Variants in ANKH observed in about 807,000 individuals in gnomAD.
The protein encoded by ANKH is ANKH inorganic pyrophosphate transport regulator.
ANKH carries 15 observed loss-of-function variants against 49.0 expected under a neutral mutation model. The ratio of observed to expected loss-of-function variants is 0.31; its 90% CI spans 0.20 to 0.47. The LOEUF is 0.47. Among genes scored for constraint, ANKH ranks in the 20% least tolerant of loss-of-function variants. The pLI is 1.00. For synonymous variants in ANKH, 273 were observed against 260.0 expected (o/e 1.05, Z -0.48); for missense variants, 429 against 652.0 (o/e 0.66, Z 3.72).
Position 14,843,089 on chromosome 5 carries a change from T to C in ANKH, c.96+28263A>G, listed in dbSNP as rs551022221. Among the ~76,000 whole-genome samples, 18 of 152,208 alleles carry C rather than the reference T, an allele frequency of 1.2e-4. No homozygotes were observed. In the East Asian group the frequency reaches 3.3e-3, roughly 28 times the overall value. On this transcript the variant is annotated intron_variant, in intron 1 of 11. Transcript: ENST00000284268. Reference sequence around the variant, plus strand: ...AATTAGAACATTCAGACATTGCTAATTGCCTACAACTCAGCAGCAGCAGCC... The same window carrying C: ...AATTAGAACATTCAGACATTGCTAACTGCCTACAACTCAGCAGCAGCAGCC...
At chr5:14,796,887 A>G (rs569635404) in intron 1 of ANKH, among the ~76,000 whole-genome samples, 26 of 152,308 alleles carry the variant, frequency 1.7e-4, no homozygotes, top group African/African-American at 5.8e-4. Flanking sequence ...GCTACTTTAG[A>G]CCTGGGTTAC....
intron 1 of ANKH, among the ~76,000 whole-genome samples, chr5:14,862,306 T>C (rs1735518876): frequency 1.3e-5 from 2 of 152,216 alleles, no homozygotes; most frequent in Non-Finnish European, 2.9e-5. Context: ...TAAATTCTGA[T>C]GAATAAACCT....
intron 6 of ANKH, 119 bp from the exon 7 acceptor site, chr5:14,746,081 C>G: frequency 1.3e-6 from 1 of 782,522 alleles, no homozygotes; most frequent in East Asian, 2.6e-5. Context: ...GCCCGCTACA[C>G]TGGGTGACAA....
chr5:14,803,640 C>T (rs892834285), intron 1 of ANKH, among the ~76,000 whole-genome samples: 5 of 151,992 alleles, frequency 3.3e-5, no homozygotes, highest in African/African-American at 1.2e-4. Context: ...TTTTACACTT[C>T]TTCTTCTTCT....
chr5:14,711,474 T>G (rs1340778201), intron 11 of ANKH, among the ~76,000 whole-genome samples, 164 bp from the exon 12 acceptor site: 1 of 152,148 alleles, frequency 6.6e-6, no homozygotes, highest in East Asian at 1.9e-4. Context: ...TAGCTCAGTG[T>G]GTTCCTTGCA....
chr5:14,732,249 T>A (rs897126536), intron 8 of ANKH, among the ~76,000 whole-genome samples: 2 of 152,112 alleles, frequency 1.3e-5, no homozygotes, highest in African/African-American at 4.8e-5. Flanking sequence ...GGGGCTCTGG[T>A]AGCACCATCT....
At chr5:14,822,268 A>G (rs1741217222) in intron 1 of ANKH, among the ~76,000 whole-genome samples, 3 of 152,370 alleles carry the variant, frequency 2.0e-5, no homozygotes. Flanking sequence ...ATACAGGAAT[A>G]ATAGTATTTG....
chr5:14,800,821 G>T (rs2126560229), intron 1 of ANKH, among the ~76,000 whole-genome samples: 1 of 151,288 alleles, frequency 6.6e-6, no homozygotes, highest in South Asian at 2.1e-4. Context: ...TGACCTCCTG[G>T]GCTCAAGCAA....
chr5:14,820,247 A>C (rs924002480), intron 1 of ANKH, among the ~76,000 whole-genome samples: 1 of 152,200 alleles, frequency 6.6e-6, no homozygotes, highest in African/African-American at 2.4e-5. Flanking sequence ...AGTGTTTTTT[A>C]GTTTCATGAA....
At chr5:14,845,097 C>G (rs1396840211) in intron 1 of ANKH, among the ~76,000 whole-genome samples, 2 of 151,366 alleles carry the variant, frequency 1.3e-5, no homozygotes. Context: ...GGTATCTGAC[C>G]CTTCCACATC....
chr5:14,859,753 G>A (rs879747489), intron 1 of ANKH, among the ~76,000 whole-genome samples: 7 of 152,286 alleles, frequency 4.6e-5, no homozygotes, highest in South Asian at 2.1e-4. Flanking sequence ...ACACAGGTAC[G>A]CATCCGTCAT....
At chr5:14,859,241 C>T (rs1161340733) in intron 1 of ANKH, among the ~76,000 whole-genome samples, 2 of 152,176 alleles carry the variant, frequency 1.3e-5, no homozygotes, top group Admixed American at 6.5e-5. Context: ...GTTCTGCATA[C>T]CTTATATAAA....
Position 14,710,998 on chromosome 5 carries a change from G to A in ANKH, c.*199C>T. On this transcript the variant is annotated 3_prime_UTR_variant, in exon 12 of 12. Transcript: ENST00000284268. ...TTTGTTTTTACATAGCAACAGTAAAGACCATTCACTAGGTCCCCCCGTCAG... is the reference window on the plus strand; with the variant it reads ...TTTGTTTTTACATAGCAACAGTAAAAACCATTCACTAGGTCCCCCCGTCAG... The A allele has an allele frequency of 3.3e-6, 2 of 610,126 alleles. No individual in the cohort carries two copies. The highest frequency in any genetic ancestry group is 3.0e-6 in the Non-Finnish European group (1 of 336,938). The allele number at this position is 610,126 out of a possible 1,614,324, so 37.8% of individuals were successfully genotyped here. A position where few individuals can be genotyped will look rare whatever the true frequency, so the allele number is the denominator to read the frequency against.
chr5:14,716,641 C>A, intron 9 of ANKH, 65 bp downstream of exon 9: 1 of 1,604,456 alleles, frequency 6.2e-7, no homozygotes, highest in Non-Finnish European at 8.5e-7. Context: ...CAAACATTTC[C>A]AAAGAAAGAT....
intron 11 of ANKH, among the ~76,000 whole-genome samples, chr5:14,711,633 A>ACCTGTAGACTGCT: frequency 6.6e-6 from 1 of 152,094 alleles, no homozygotes; most frequent in South Asian, 2.1e-4. Flanking sequence ...CCTCACAGTC[A>ACCTGTAGACTGCT]CCTGTAGACT....
At position 14,790,050 on chromosome 5, in the gene ANKH, C is replaced by T. The variant is rs1043815616; in HGVS notation, c.97-20859G>A. Reference sequence around the variant, plus strand: ...TGTAAAATTAATAGCTGTGACAATACAGTTTAGTCTGCTTTAAAGTAAGTC... The same window carrying T: ...TGTAAAATTAATAGCTGTGACAATATAGTTTAGTCTGCTTTAAAGTAAGTC... On this transcript the variant is annotated intron_variant, in intron 1 of 11. Transcript: ENST00000284268. Among the ~76,000 whole-genome samples the T allele has an allele frequency of 3.3e-5, 5 of 152,184 alleles. 1 individual carries two copies. The highest frequency in any genetic ancestry group is 1.2e-4 in the African/African-American group (5 of 41,442).
At chr5:14,784,213 T>C (rs2126534104) in intron 1 of ANKH, among the ~76,000 whole-genome samples, 1 of 152,364 alleles carries the variant, frequency 6.6e-6, no homozygotes, top group Non-Finnish European at 1.5e-5. Context: ...GTAAGTTTTA[T>C]CTAACAACAT....
rs370033204 is a variant in ANKH, at chr5:14,716,786, A to G, written c.1061T>C (p.Ile354Thr). The change falls in exon 9 of 12, where the codon ATA (isoleucine) becomes ACA (threonine). Residue 354 changes from isoleucine (I) to threonine (T), a missense_variant. Physicochemically the swap from Ile to Thr is moderately conservative, Grantham distance 89. This residue lies in a region of ANKH where 378 missense variants were observed against 615.3 expected (regional missense o/e 0.61). Transcript: ENST00000284268. The stretch of plus-strand genomic sequence containing the variant: ...GGCAAAGTCCACTCCGATGATGTCT[A>G]TCAAGATTTTCTCAGACACGTTGGG... ...WTPNVSEKIL[I>T]DIIGVDFAFA... The G allele has an allele frequency of 7.4e-6, 12 of 1,614,078 alleles. No individual in the cohort carries two copies. Among genetic ancestry groups the G allele is most frequent in the African/African-American group, 2.7e-5 (2 of 74,954 alleles).
chr5:14,748,593 T>TA (rs1408391081), intron 6 of ANKH, among the ~76,000 whole-genome samples: 1 of 152,220 alleles, frequency 6.6e-6, no homozygotes, highest in Non-Finnish European at 1.5e-5. Flanking sequence ...AGTTTCCAGA[T>TA]AAAGTTTGTT....
Sources: allele counts gnomAD v4.1 joint callset (sites outside exome capture counted in the v4.1 genomes callset), GRCh38; gene constraint gnomAD v4.1.1; regional missense constraint gnomAD v4.1.1; transcripts MANE v1.5; gene names NCBI Gene and HGNC (gene_info 2026-07-23, HGNC 2026-07-21).